TMEM39B: variants seen among roughly 807,000 people sequenced by gnomAD.
TMEM39B encodes the protein transmembrane protein 39B.
A neutral mutation model predicts 52.2 loss-of-function variants in TMEM39B; 23 were observed. The ratio of observed to expected loss-of-function variants is 0.44; its 90% confidence interval spans 0.32 to 0.62. The LOEUF (loss-of-function observed/expected upper bound fraction) is 0.62, where lower values mean the gene tolerates loss of function less well. Among genes scored for constraint, TMEM39B ranks in the 20% least tolerant of loss-of-function variants. The pLI is 0.06. For missense variants in TMEM39B, 547 were observed against 642.0 expected (o/e 0.85, Z 1.60); for synonymous variants, 285 against 264.0 (o/e 1.08, Z -0.77).
At position 32,093,979 on chromosome 1, in the gene TMEM39B, C is replaced by T. The variant is rs556538358; in HGVS notation, c.928-805C>T. On this transcript the variant is annotated intron_variant, in intron 6 of 8. Transcript: ENST00000336294. ...GACTACAGGCGCCCGCCACCACGCCCGGCTAATTTTTTGTATTTTTAGTAG... is the reference window on the plus strand; with the variant it reads ...GACTACAGGCGCCCGCCACCACGCCTGGCTAATTTTTTGTATTTTTAGTAG... 7.3e-5 allele frequency among the ~76,000 whole-genome samples: 11 copies of T among 151,144 alleles called. No individual in the cohort carries two copies. The South Asian group carries it at 1.5e-3, about 20-fold the overall frequency.
intron 8 of TMEM39B, 116 bp from the exon 9 acceptor site, chr1:32,102,315 C>T: frequency 1.4e-6 from 2 of 1,399,856 alleles, no homozygotes; most frequent in East Asian, 2.3e-5. Context: ...CTTCCCCACC[C>T]ATGTCTGCAT....
chr1:32,086,755 A>T (rs1057039255), intron 5 of TMEM39B, among the ~76,000 whole-genome samples: 7 of 151,452 alleles, frequency 4.6e-5, no homozygotes, highest in African/African-American at 1.7e-4. Flanking sequence ...AAACAGAGCC[A>T]GGCCCTGTCT....
chr1:32,075,557 A>G, intron 2 of TMEM39B, 46 bp from the exon 3 acceptor site: 1 of 1,522,974 alleles, frequency 6.6e-7, no homozygotes. Flanking sequence ...CCTTCCTGGT[A>G]GGATTCTCAG....
intron 5 of TMEM39B, among the ~76,000 whole-genome samples, chr1:32,083,636 A>T (rs1640212439): frequency 6.7e-6 from 1 of 149,752 alleles, no homozygotes; most frequent in Non-Finnish European, 1.5e-5. Context: ...GTTAGTCAGG[A>T]TGGTCTCGAT....
Position 32,077,278 on chromosome 1 carries a change from A to G in TMEM39B, c.550A>G (p.Arg184Gly), listed in dbSNP as rs1288407081. Residue 184 changes from arginine to glycine, a missense_variant, in exon 5 of 9, where the codon AGG (arginine) becomes GGG (glycine). Coordinates refer to ENST00000336294, the MANE Select transcript of TMEM39B (RefSeq NM_018056.4). ...SLCRSLIHLF[R>G]TYSFLNLLFL... Reference sequence around the variant, plus strand: ...GTGCCGATCCCTCATCCACCTCTTCAGGACCTACTCCTTCCTGAACCTCCT... The same window carrying G: ...GTGCCGATCCCTCATCCACCTCTTCGGGACCTACTCCTTCCTGAACCTCCT... 1 of 1,614,096 alleles carries G rather than the reference A, an allele frequency of 6.2e-7. No individual in the cohort carries two copies. Among genetic ancestry groups the G allele is most frequent in the Non-Finnish European group, 8.5e-7 (1 of 1,180,032 alleles).
chr1:32,083,874 T>C (rs965109815), intron 5 of TMEM39B, among the ~76,000 whole-genome samples: 2 of 152,106 alleles, frequency 1.3e-5, no homozygotes, highest in African/African-American at 2.4e-5. Flanking sequence ...GCCTCCCAAG[T>C]AGCTGGGACT....
chr1:32,076,414 A>G, intron 3 of TMEM39B: 1 of 381,968 alleles, frequency 2.6e-6, no homozygotes, highest in Non-Finnish European at 5.1e-6. Flanking sequence ...CCCGGCCAGG[A>G]GCTGAGAGTC....
intron 6 of TMEM39B, among the ~76,000 whole-genome samples, chr1:32,093,761 T>TA (rs1198426198): frequency 6.6e-6 from 1 of 151,606 alleles, no homozygotes; most frequent in Non-Finnish European, 1.5e-5. Flanking sequence ...TCATAAGTGT[T>TA]ACAATCCTCC....
intron 7 of TMEM39B, among the ~76,000 whole-genome samples, chr1:32,099,699 G>C (rs1640946228): frequency 6.6e-6 from 1 of 152,260 alleles, no homozygotes; most frequent in African/African-American, 2.4e-5. Context: ...GACCTCAGAG[G>C]CCATGTCAAA....
intron 5 of TMEM39B, among the ~76,000 whole-genome samples, chr1:32,078,646 T>TTTTG (rs1328920574): frequency 6.6e-6 from 1 of 152,210 alleles, no homozygotes; most frequent in Admixed American, 6.6e-5. Flanking sequence ...CATGCAGTTT[T>TTTTG]TTTGTTTGTT....
intron 7 of TMEM39B, 118 bp from the exon 8 acceptor site, chr1:32,100,324 G>A: frequency 8.5e-7 from 1 of 1,171,918 alleles, no homozygotes; most frequent in South Asian, 1.8e-5. Flanking sequence ...AGGAAAGTCA[G>A]CGTGTCTAAG....
chr1:32,081,217 TACAG>T (rs1340385750), intron 5 of TMEM39B, among the ~76,000 whole-genome samples: 4 of 151,860 alleles, frequency 2.6e-5, no homozygotes, highest in Admixed American at 6.6e-5. Context: ...TTTGTTTGTT[TACAG>T]ACAGAGTCTG....
Position 32,099,515 on chromosome 1 carries a change from G to A in TMEM39B, c.1116-927G>A, listed in dbSNP as rs145411742. 1.6e-3 allele frequency among the ~76,000 whole-genome samples: 241 copies of A among 152,282 alleles called. 2 individuals carry two copies. Among genetic ancestry groups the A allele is most frequent in the African/African-American group, 5.7e-3 (238 of 41,570 alleles). ...CTCTAGGGAGTTTGAGAAAGGCTTT[G>A]TGGAGGAACCTGGGTTTTGAAAGAT... On this transcript the variant is annotated intron_variant, in intron 7 of 8. Transcript: ENST00000336294.
Position 32,077,307 on chromosome 1 carries a change from C to T in TMEM39B, c.579C>T (p.Phe193=), listed in dbSNP as rs761231296. Reference sequence around the variant, plus strand: ...CCTACTCCTTCCTGAACCTCCTGTTCCTCTGCTATCCGTGAGTACCCCTCA... The same window carrying T: ...CCTACTCCTTCCTGAACCTCCTGTTTCTCTGCTATCCGTGAGTACCCCTCA... ...FRTYSFLNLL[F]LCYPFGMYIP... is the part of the protein sequence containing the mutation. Residue 193 remains phenylalanine (F), a synonymous_variant, in exon 5 of 9, where the codon TTC becomes TTT. Coordinates refer to ENST00000336294, the MANE Select transcript of TMEM39B (RefSeq NM_018056.4). 5 of 1,614,064 alleles carry T rather than the reference C, an allele frequency of 3.1e-6. No homozygotes were observed. The African/African-American group carries it at 4.0e-5, about 13-fold the overall frequency.
chr1:32,097,907 C>T (rs1640872392), intron 7 of TMEM39B, among the ~76,000 whole-genome samples: 1 of 152,004 alleles, frequency 6.6e-6, no homozygotes, highest in Admixed American at 6.6e-5. Context: ...GCTGAGATTA[C>T]AGGCGTGAGC....
intron 5 of TMEM39B, among the ~76,000 whole-genome samples, chr1:32,084,889 A>C (rs913344979): frequency 2.0e-5 from 3 of 151,324 alleles, no homozygotes; most frequent in African/African-American, 7.3e-5. Flanking sequence ...CTAAGTTCAA[A>C]TTCACATTCT....
intron 5 of TMEM39B, among the ~76,000 whole-genome samples, chr1:32,083,409 CTT>C (rs1052027069): frequency 0.012 from 678 of 54,498 alleles, no homozygotes; most frequent in Non-Finnish European, 0.018. Flanking sequence ...TAAAGGACTT[CTT>C]TTTTTTTTTT....
rs1234635155 is a variant in TMEM39B at position 32,102,515 on chromosome 1, A to C, written c.1321A>C (p.Met441Leu). The C allele has an allele frequency of 6.2e-7, 1 of 1,614,012 alleles. No individual in the cohort carries two copies. Among genetic ancestry groups the C allele is most frequent in the Non-Finnish European group, 8.5e-7 (1 of 1,180,028 alleles). Residue 441 changes from methionine to leucine, a missense_variant, in exon 9 of 9, where the codon ATG (methionine) becomes CTG (leucine). Physicochemically the swap from Met to Leu is conservative, Grantham distance 15. Coordinates refer to ENST00000336294, the MANE Select transcript of TMEM39B (RefSeq NM_018056.4). The part of the protein sequence containing the change: ...AVIVYQLYSL[M>L]SSEKWHQTIS... ...CATTGTCTATCAGCTGTACTCCCTA[A>C]TGTCCTCTGAAAAGTGGCACCAGAC...
intron 4 of TMEM39B, 143 bp from the exon 5 acceptor site, chr1:32,077,021 A>G: frequency 7.6e-7 from 1 of 1,317,542 alleles, no homozygotes. Flanking sequence ...ATCAAAGAGA[A>G]GGATTTACCT....
Sources: allele counts gnomAD v4.1 joint callset (sites outside exome capture counted in the v4.1 genomes callset), GRCh38; gene constraint gnomAD v4.1.1; transcripts MANE v1.5; gene names NCBI Gene and HGNC (gene_info 2026-07-23, HGNC 2026-07-21).